CTNNA3: variants seen among roughly 807,000 people sequenced by gnomAD.
CTNNA3 encodes catenin alpha 3, also known as catenin alpha-3.
CTNNA3 carries 76 observed loss-of-function variants against 95.7 expected under a neutral mutation model. That is an observed-to-expected ratio of 0.79 (90% confidence interval 0.66 to 0.96). The LOEUF (loss-of-function observed/expected upper bound fraction) is 0.96. Among genes scored for constraint, CTNNA3 ranks in the 40% least tolerant of loss-of-function variants. CTNNA3 has a pLI of 0.00. For synonymous variants in CTNNA3, 431 were observed against 374.4 expected (o/e 1.15, Z -1.74); for missense variants, 1,191 against 1,089.8 (o/e 1.09, Z -1.31).
At chr10:67,264,354 G>T (rs1866734012) in intron 5 of CTNNA3, among the ~76,000 whole-genome samples, 1 of 152,078 alleles carries the variant, frequency 6.6e-6, no homozygotes, top group African/African-American at 2.4e-5. Flanking sequence ...TTTTTTCAAA[G>T]TTATAATAAT....
At chr10:66,771,464 TA>T (rs1158678440) in intron 8 of CTNNA3, among the ~76,000 whole-genome samples, 3 of 152,124 alleles carry the variant, frequency 2.0e-5, no homozygotes, top group Non-Finnish European at 4.4e-5. Context: ...AATTTAACTT[TA>T]AAAAGGCATT....
intron 9 of CTNNA3, among the ~76,000 whole-genome samples, chr10:66,646,046 G>A (rs1295157854): frequency 6.6e-6 from 1 of 152,028 alleles, no homozygotes; most frequent in Non-Finnish European, 1.5e-5. Flanking sequence ...GCTATTCATT[G>A]TAAATTTAGA....
chr10:66,509,547 G>C (rs1402363304), intron 11 of CTNNA3, among the ~76,000 whole-genome samples: 3 of 151,782 alleles, frequency 2.0e-5, no homozygotes, highest in Non-Finnish European at 4.4e-5. Context: ...TTTTAATGTA[G>C]TGAGAGATGG....
At chr10:67,291,852 A>G (rs1397514444) in intron 5 of CTNNA3, among the ~76,000 whole-genome samples, 1 of 152,234 alleles carries the variant, frequency 6.6e-6, no homozygotes, top group African/African-American at 2.4e-5. Context: ...AAATCAACTC[A>G]CAAAAGGCAA....
At chr10:66,957,606 T>C (rs1212285661) in intron 7 of CTNNA3, among the ~76,000 whole-genome samples, 1 of 151,532 alleles carries the variant, frequency 6.6e-6, no homozygotes, top group Non-Finnish European at 1.5e-5. Flanking sequence ...CTGGATTCTG[T>C]CAGGAAACAG....
chr10:66,658,375 GAAAT>G (rs1174470922), intron 9 of CTNNA3, among the ~76,000 whole-genome samples: 1 of 151,886 alleles, frequency 6.6e-6, no homozygotes, highest in African/African-American at 2.4e-5. Flanking sequence ...GAGCAATTAA[GAAAT>G]AAATAAATAA....
intron 9 of CTNNA3, among the ~76,000 whole-genome samples, chr10:66,747,403 G>T (rs2132716372): frequency 6.6e-6 from 1 of 152,292 alleles, no homozygotes; most frequent in Middle Eastern, 3.4e-3. Context: ...CACAACCATG[G>T]AAATCTTGAG....
chr10:66,926,803 T>C, intron 7 of CTNNA3: 3 of 976,020 alleles, frequency 3.1e-6, no homozygotes, highest in South Asian at 1.8e-5. Flanking sequence ...TAATATGTGA[T>C]GTTAAGTGTT....
intron 7 of CTNNA3, among the ~76,000 whole-genome samples, chr10:66,930,415 A>G (rs149535348): frequency 6.6e-6 from 1 of 152,178 alleles, no homozygotes; most frequent in East Asian, 1.9e-4. Context: ...GTAACTTTAC[A>G]TTTTTCATAA....
chr10:67,385,026 G>A (rs1289321260), intron 5 of CTNNA3, among the ~76,000 whole-genome samples: 2 of 151,218 alleles, frequency 1.3e-5, no homozygotes, highest in Non-Finnish European at 2.9e-5. Flanking sequence ...TTTCTTTTCG[G>A]TTATTTTACA....
At chr10:67,342,099 C>CTTTTTTTTTTT (rs764381058) in intron 5 of CTNNA3, among the ~76,000 whole-genome samples, 6 of 83,660 alleles carry the variant, frequency 7.2e-5, no homozygotes, top group South Asian at 4.8e-4. Flanking sequence ...TATTTTTCTT[C>CTTTTTTTTTTT]TTTTTTTTTT....
chr10:66,639,511 C>T (rs1210052345), intron 9 of CTNNA3, among the ~76,000 whole-genome samples: 1 of 152,094 alleles, frequency 6.6e-6, no homozygotes, highest in South Asian at 2.1e-4. Flanking sequence ...TTTTACTCAT[C>T]TTCCATGAAG....
intron 12 of CTNNA3, among the ~76,000 whole-genome samples, chr10:66,319,771 C>A (rs1383629553): frequency 6.6e-6 from 1 of 152,056 alleles, no homozygotes; most frequent in African/African-American, 2.4e-5. Flanking sequence ...TAAAAGAAAA[C>A]AAACAAACAT....
intron 9 of CTNNA3, among the ~76,000 whole-genome samples, chr10:66,742,596 G>T (rs4623779): frequency 0.5 from 76,563 of 151,870 alleles, 19,572 homozygotes; most frequent in African/African-American, 0.58. Context: ...CCTGCCGACA[G>T]GATGTCTCCC....
intron 7 of CTNNA3, among the ~76,000 whole-genome samples, chr10:66,988,698 G>A (rs16923877): frequency 6.6e-6 from 1 of 152,124 alleles, no homozygotes; most frequent in Non-Finnish European, 1.5e-5. Flanking sequence ...TCTGCAGTCT[G>A]ATTAGGTCAC....
intron 1 of CTNNA3, among the ~76,000 whole-genome samples, chr10:67,715,024 T>C (rs1483879900): frequency 3.3e-5 from 5 of 152,174 alleles, no homozygotes; most frequent in Non-Finnish European, 5.9e-5. Flanking sequence ...ATCAGCAGCA[T>C]GAAAGCAGAC....
chr10:66,183,256 A>T (rs76170700), intron 13 of CTNNA3, among the ~76,000 whole-genome samples: 2 of 152,192 alleles, frequency 1.3e-5, no homozygotes, highest in African/African-American at 4.8e-5. Context: ...AATAAAGTTC[A>T]GTGGACACAC....
chr10:67,731,420 G>T (rs570584220), intron 1 of CTNNA3, among the ~76,000 whole-genome samples: 1 of 152,130 alleles, frequency 6.6e-6, no homozygotes, highest in Non-Finnish European at 1.5e-5. Context: ...AGCGGAGGTT[G>T]CAGTGAGCCG....
At chr10:66,611,965 A>G (rs1030610394) in intron 10 of CTNNA3, among the ~76,000 whole-genome samples, 3 of 152,066 alleles carry the variant, frequency 2.0e-5, no homozygotes, top group Non-Finnish European at 2.9e-5. Flanking sequence ...AAGTTCTTGT[A>G]GTTTTATTTT....
Sources: allele counts gnomAD v4.1 joint callset (sites outside exome capture counted in the v4.1 genomes callset), GRCh38; gene constraint gnomAD v4.1.1; transcripts MANE v1.5; gene names NCBI Gene and HGNC (gene_info 2026-07-23, HGNC 2026-07-21).